LRRC4C: variants seen among roughly 807,000 people sequenced by gnomAD.
LRRC4C encodes leucine-rich repeat-containing protein 4C.
In LRRC4C, 5 loss-of-function variants were observed where a neutral mutation model predicts 33.6. The observed-to-expected ratio is 0.15, with a 90% confidence interval of 0.08 to 0.31. The LOEUF (loss-of-function observed/expected upper bound fraction) is 0.31. LRRC4C is among the 10% of genes least tolerant of loss of function. The pLI, the probability that LRRC4C is intolerant of heterozygous loss-of-function variation, is 1.00. For synonymous variants in LRRC4C, 329 were observed against 302.0 expected (o/e 1.09, Z -0.93); for missense variants, 560 against 796.7 (o/e 0.70, Z 3.58).
At chr11:41,112,476 T>C (rs976748135) in intron 1 of LRRC4C, among the ~76,000 whole-genome samples, 11 of 152,046 alleles carry the variant, frequency 7.2e-5, no homozygotes, top group Non-Finnish European at 4.4e-5. Context: ...TTAATCTCTT[T>C]CTCTGTCAAT....
intron 2 of LRRC4C, among the ~76,000 whole-genome samples, chr11:40,757,285 A>G (rs1948999794): frequency 6.6e-6 from 1 of 152,148 alleles, no homozygotes; most frequent in East Asian, 1.9e-4. Context: ...GGCTAATAAA[A>G]GCTTAGGAAT....
chr11:41,068,142 C>G (rs563404225), intron 1 of LRRC4C, among the ~76,000 whole-genome samples: 2 of 152,290 alleles, frequency 1.3e-5, no homozygotes, highest in South Asian at 4.1e-4. Flanking sequence ...CCTGTAGTCC[C>G]AGCATTTTGG....
intron 3 of LRRC4C, among the ~76,000 whole-genome samples, chr11:40,341,717 T>C (rs1229585303): frequency 6.6e-6 from 1 of 152,210 alleles, no homozygotes; most frequent in Non-Finnish European, 1.5e-5. Flanking sequence ...TATTAATTTC[T>C]TTGTCTTCTT....
chr11:40,363,574 A>G (rs991445397), intron 3 of LRRC4C, among the ~76,000 whole-genome samples: 10 of 152,214 alleles, frequency 6.6e-5, no homozygotes, highest in African/African-American at 2.2e-4. Flanking sequence ...AAAGTAAAAA[A>G]AAAAAACTGT....
intron 2 of LRRC4C, among the ~76,000 whole-genome samples, chr11:40,887,023 A>G (rs1005754221): frequency 2.7e-5 from 4 of 149,062 alleles, no homozygotes; most frequent in Admixed American, 6.7e-5. Flanking sequence ...CACACATACG[A>G]GAAAATATAT....
At chr11:41,371,313 A>G (rs1952739004) in intron 1 of LRRC4C, among the ~76,000 whole-genome samples, 2 of 152,222 alleles carry the variant, frequency 1.3e-5, no homozygotes, top group African/African-American at 4.8e-5. Context: ...TGAAGACACA[A>G]ATGAAACTTT....
At chr11:40,530,090 G>C (rs1258433103) in intron 3 of LRRC4C, among the ~76,000 whole-genome samples, 1 of 152,048 alleles carries the variant, frequency 6.6e-6, no homozygotes, top group Non-Finnish European at 1.5e-5. Context: ...ATTCAAGACT[G>C]TGGAATTTTA....
chr11:41,116,839 C>T (rs1457636644), intron 1 of LRRC4C, among the ~76,000 whole-genome samples: 1 of 152,258 alleles, frequency 6.6e-6, no homozygotes, highest in African/African-American at 2.4e-5. Flanking sequence ...ATAAAGTTCA[C>T]TGCAATGTTA....
chr11:41,093,988 A>G (rs1940627218), intron 1 of LRRC4C, among the ~76,000 whole-genome samples: 1 of 149,080 alleles, frequency 6.7e-6, no homozygotes, highest in Admixed American at 6.7e-5. Context: ...ATGTGCCTGT[A>G]GTCCCAGCTA....
chr11:40,418,678 C>T (rs1057256299), intron 3 of LRRC4C, among the ~76,000 whole-genome samples: 4 of 152,158 alleles, frequency 2.6e-5, no homozygotes, highest in Non-Finnish European at 4.4e-5. Context: ...CACTGCAGCA[C>T]TATTCACAAT....
intron 1 of LRRC4C, among the ~76,000 whole-genome samples, chr11:41,412,513 C>T (rs920017626): frequency 2.6e-5 from 4 of 152,102 alleles, no homozygotes; most frequent in East Asian, 1.9e-4. Flanking sequence ...TTATTTGCTG[C>T]CCTGAAATGG....
At chr11:40,594,294 T>C (rs577491703) in intron 3 of LRRC4C, among the ~76,000 whole-genome samples, 100 of 152,374 alleles carry the variant, frequency 6.6e-4, no homozygotes, top group South Asian at 2.3e-3. Context: ...CATCATCTTA[T>C]ATAATCCTCA....
At chr11:41,262,889 G>A (rs1405770807) in intron 1 of LRRC4C, among the ~76,000 whole-genome samples, 2 of 152,030 alleles carry the variant, frequency 1.3e-5, no homozygotes, top group African/African-American at 2.4e-5. Context: ...TGTTTTCCTC[G>A]GGGAGAATGC....
intron 5 of LRRC4C, among the ~76,000 whole-genome samples, chr11:40,214,261 A>G (rs566112326): frequency 2.0e-5 from 3 of 152,156 alleles, no homozygotes; most frequent in Non-Finnish European, 4.4e-5. Flanking sequence ...TCTGAAGCAC[A>G]TGTGCCCTTC....
At chr11:41,064,937 G>A (rs915537366) in intron 1 of LRRC4C, among the ~76,000 whole-genome samples, 2 of 152,030 alleles carry the variant, frequency 1.3e-5, no homozygotes, top group African/African-American at 4.8e-5. Flanking sequence ...TCCCTTGTGA[G>A]CCTACACCAC....
intron 3 of LRRC4C, among the ~76,000 whole-genome samples, chr11:40,328,720 T>C (rs973881785): frequency 3.3e-5 from 5 of 152,230 alleles, no homozygotes; most frequent in South Asian, 2.1e-4. Flanking sequence ...AGAATAACTT[T>C]GATAATCATT....
At chr11:40,447,716 G>A (rs561096512) in intron 3 of LRRC4C, among the ~76,000 whole-genome samples, 3 of 152,312 alleles carry the variant, frequency 2.0e-5, no homozygotes, top group South Asian at 2.1e-4. Flanking sequence ...CGTGGATCAA[G>A]GTCTTATCAC....
chr11:40,591,553 T>C (rs1486658137), intron 3 of LRRC4C, among the ~76,000 whole-genome samples: 1 of 152,234 alleles, frequency 6.6e-6, no homozygotes, highest in Non-Finnish European at 1.5e-5. Flanking sequence ...AGGTGTGTTT[T>C]ATTGTGTCCA....
intron 3 of LRRC4C, among the ~76,000 whole-genome samples, chr11:40,340,691 C>T (rs1946828110): frequency 6.6e-6 from 1 of 151,920 alleles, no homozygotes; most frequent in African/African-American, 2.4e-5. Flanking sequence ...AATTGAAGAT[C>T]AGAAAACTTA....
Sources: allele counts gnomAD v4.1 joint callset (sites outside exome capture counted in the v4.1 genomes callset), GRCh38; gene constraint gnomAD v4.1.1; transcripts MANE v1.5; gene names NCBI Gene and HGNC (gene_info 2026-07-23, HGNC 2026-07-21).